The following ABHD2 variants were observed in gnomAD, a reference collection of about 807,000 sequenced individuals.
ABHD2 encodes monoacylglycerol lipase ABHD2.
In ABHD2, 20 loss-of-function variants were observed where a neutral mutation model predicts 48.1. The ratio of observed to expected loss-of-function variants is 0.42; its 90% CI spans 0.29 to 0.60. ABHD2 has a LOEUF of 0.60. Among genes scored for constraint, ABHD2 ranks in the 20% least tolerant of loss-of-function variants. The pLI is 0.24. For synonymous variants in ABHD2, 209 were observed against 214.2 expected, an observed-to-expected ratio of 0.98 and a Z score of 0.21; for missense variants, 405 against 550.9, an observed-to-expected ratio of 0.74 and a Z score of 2.65.
the ABHD2 span, among the ~76,000 whole-genome samples, chr15:89,064,334 C>T: frequency 6.6e-6 from 1 of 151,450 alleles, no homozygotes; most frequent in African/African-American, 2.4e-5. Context: ...ATTCTCCTGC[C>T]TCAGCCTCCT....
At chr15:89,045,221 G>A in the ABHD2 span, among the ~76,000 whole-genome samples, 5 of 151,626 alleles carry the variant, frequency 3.3e-5, no homozygotes, top group Admixed American at 3.3e-4. Flanking sequence ...TTGTAGATAT[G>A]CGGCGTTATT....
chr15:89,102,282 A>C lies in ABHD2; in HGVS notation c.-106-11443A>C, dbSNP rs546524064. On this transcript the variant is annotated intron_variant, in intron 1 of 10. Transcript: ENST00000352732. The surrounding 1 kb of genome is among the most constrained non-coding windows in gnomAD (Gnocchi z 4.8). ...CTGCCTCCTTTGTTTGAACTCCTCT[A>C]GTATTTATAGTTGGTACTTCAGAGT... The C allele has an allele frequency of 6.6e-6, 1 of 152,260 alleles. No homozygotes were observed. The highest frequency in any genetic ancestry group is 6.5e-5 in the Admixed American group (1 of 15,298). 9.4% of individuals were successfully genotyped at this position (152,260 alleles called of 1,614,324 possible).
the ABHD2 span, among the ~76,000 whole-genome samples, chr15:89,055,202 A>C: frequency 6.6e-6 from 1 of 151,776 alleles, no homozygotes; most frequent in African/African-American, 2.4e-5. Context: ...AGTCCAAAAA[A>C]CTTTTTTTTT....
At chr15:89,160,566 A>G (rs1487154779) in intron 5 of ABHD2, among the ~76,000 whole-genome samples, 2 of 150,254 alleles carry the variant, frequency 1.3e-5, no homozygotes, top group Non-Finnish European at 3.0e-5. Context: ...TTGTCTTATT[A>G]GTCAAGATGG....
At chr15:89,140,633 C>T (rs1203728396) in intron 3 of ABHD2, among the ~76,000 whole-genome samples, 1 of 151,984 alleles carries the variant, frequency 6.6e-6, no homozygotes, top group East Asian at 1.9e-4. Flanking sequence ...TTGTGCTGAC[C>T]CTTCTGCCAG....
Position 89,136,193 on chromosome 15 carries a change from T to G in ABHD2, c.195-15484T>G, listed in dbSNP as rs113920917. The G allele has an allele frequency of 2.4e-3, 598 of 247,124 alleles. 4 individuals carry two copies. Among genetic ancestry groups the G allele is most frequent in the African/African-American group, 0.013 (549 of 43,286 alleles). The allele number at this position is 247,124 out of a possible 1,614,324, so 15.3% of individuals were successfully genotyped here. A position where few individuals can be genotyped will look rare whatever the true frequency, so the allele number is the denominator to read the frequency against. The stretch of plus-strand genomic sequence containing the variant: ...ATCTACCCGCCTCAGCCTCCCAAAG[T>G]GCTGAGATTACAGGCGTGAGCCACC... On this transcript the variant is annotated intron_variant, in intron 3 of 10. Transcript: ENST00000352732.
At chr15:89,171,838 C>G (rs1352324917) in intron 5 of ABHD2, among the ~76,000 whole-genome samples, 1 of 152,136 alleles carries the variant, frequency 6.6e-6, no homozygotes, top group African/African-American at 2.4e-5. Flanking sequence ...ACCTGAGGAT[C>G]TTGTAGAAGA....
chr15:89,180,165 G>A (rs1247598974), intron 6 of ABHD2, among the ~76,000 whole-genome samples: 2 of 152,204 alleles, frequency 1.3e-5, no homozygotes, highest in African/African-American at 4.8e-5. Flanking sequence ...GAGACTCTAT[G>A]GACGGAACCT....
At chr15:89,098,343 A>G (rs1037693038) in intron 1 of ABHD2, among the ~76,000 whole-genome samples, 2 of 151,990 alleles carry the variant, frequency 1.3e-5, no homozygotes, top group African/African-American at 4.8e-5. Context: ...CTTTTTTCTC[A>G]TTCAGAGAAT....
chr15:89,081,964 G>A, the ABHD2 span, among the ~76,000 whole-genome samples: 6 of 151,816 alleles, frequency 4.0e-5, no homozygotes, highest in East Asian at 5.8e-4. Context: ...TTATTGCTTC[G>A]GCCCACAAGG....
chr15:89,070,706 C>T, the ABHD2 span, among the ~76,000 whole-genome samples: 3 of 152,126 alleles, frequency 2.0e-5, no homozygotes, highest in Non-Finnish European at 1.5e-5. Flanking sequence ...AGGTTCAAGG[C>T]ATGAGGGAGT....
intron 3 of ABHD2, among the ~76,000 whole-genome samples, chr15:89,140,002 G>A (rs1394781233): frequency 6.6e-6 from 1 of 152,178 alleles, no homozygotes; most frequent in Non-Finnish European, 1.5e-5. Flanking sequence ...TTTTCTTCTT[G>A]GGAGGGCTTC....
intron 4 of ABHD2, among the ~76,000 whole-genome samples, chr15:89,153,685 A>AT (rs1356438147): frequency 6.6e-6 from 1 of 152,070 alleles, no homozygotes; most frequent in East Asian, 1.9e-4. Flanking sequence ...ACCTTTTCTG[A>AT]TTTTTTTTCT....
the ABHD2 span, among the ~76,000 whole-genome samples, chr15:89,052,258 A>AG: frequency 8.5e-5 from 13 of 152,182 alleles, no homozygotes; most frequent in African/African-American, 3.1e-4. Flanking sequence ...GGAATGGTTT[A>AG]GGAGGAGATT....
chr15:89,129,099 G>A (rs916576843), intron 3 of ABHD2, among the ~76,000 whole-genome samples: 1 of 152,188 alleles, frequency 6.6e-6, no homozygotes, highest in African/African-American at 2.4e-5. Context: ...CTTGGGGCTT[G>A]TCCACAGGAT....
chr15:89,176,094 T>C lies in ABHD2; in HGVS notation c.722+99T>C, dbSNP rs2051008587. ...CTGTTCTGTGAAGACCGGGGAACAC[T>C]GTGGCCGACTGAGTAGAAGTTTCTG... On this transcript the variant is annotated intron_variant, in intron 6 of 10. Transcript: ENST00000352732. This position sits in a 1 kb window ranked among gnomAD's most constrained non-coding sequence, Gnocchi z 4.5. 11 of 1,275,066 alleles carry C rather than the reference T, an allele frequency of 8.6e-6. No individual in the cohort carries two copies. The highest frequency in any genetic ancestry group is 1.2e-5 in the Non-Finnish European group (11 of 929,794). 79.0% of individuals were successfully genotyped at this position (1,275,066 alleles called of 1,614,324 possible). A position where few individuals can be genotyped will look rare whatever the true frequency, so the allele number is the denominator to read the frequency against.
In ABHD2 at chr15:89,160,462, A is replaced by G. The variant is rs114012403; in HGVS notation, c.538+4928A>G. Among the ~76,000 whole-genome samples, 659 of 148,844 alleles carry G rather than the reference A, an allele frequency of 4.4e-3. 6 individuals are homozygous for G. The highest frequency in any genetic ancestry group is 0.015 in the African/African-American group (620 of 40,718). On this transcript the variant is annotated intron_variant, in intron 5 of 10. Transcript: ENST00000352732. ...ATGGTACCAACCCTGACTCATGGCT[A>G]TTTCAGAGTATGCTCTTGTCTGCCT... is the stretch of plus-strand genomic sequence containing the variant.
chr15:89,068,116 T>C, the ABHD2 span, among the ~76,000 whole-genome samples: 1 of 152,066 alleles, frequency 6.6e-6, no homozygotes, highest in East Asian at 1.9e-4. Flanking sequence ...CCACAGAGCA[T>C]TCTGTGGGCA....
intron 3 of ABHD2, among the ~76,000 whole-genome samples, chr15:89,141,548 G>A (rs919450749): frequency 3.3e-5 from 5 of 152,154 alleles, no homozygotes; most frequent in African/African-American, 7.2e-5. Flanking sequence ...TGCGAGAATC[G>A]CTTGAACCCG....
Sources: allele counts gnomAD v4.1 joint callset (sites outside exome capture counted in the v4.1 genomes callset), GRCh38; gene constraint gnomAD v4.1.1; non-coding constraint Gnocchi (gnomAD v3.1); transcripts MANE v1.5; gene names NCBI Gene and HGNC (gene_info 2026-07-23, HGNC 2026-07-21).